LHFPL3: variants seen among roughly 807,000 people sequenced by gnomAD.
The protein encoded by LHFPL3 is LHFPL tetraspan subfamily member 3, also known as LHFPL tetraspan subfamily member 3 protein.
A neutral mutation model predicts 19.3 loss-of-function variants in LHFPL3; 5 were observed. That is an observed-to-expected ratio of 0.26 (90% CI 0.14 to 0.54). The LOEUF (loss-of-function observed/expected upper bound fraction) is 0.54, where lower values mean the gene tolerates loss of function less well. Ranked by LOEUF, LHFPL3 falls within the 20% of genes least tolerant of loss-of-function variation. The pLI is 0.94. For missense variants in LHFPL3, 249 were observed against 307.4 expected, an observed-to-expected ratio of 0.81 and a Z score of 1.42; for synonymous variants, 133 against 126.2, an observed-to-expected ratio of 1.05 and a Z score of -0.36.
At chr7:104,356,583 TG>T in intron 1 of LHFPL3, among the ~76,000 whole-genome samples, 2 of 151,808 alleles carry the variant, frequency 1.3e-5, no homozygotes, top group Non-Finnish European at 2.9e-5. Flanking sequence ...ACAGAACAAA[TG>T]AAAAAAAGAA....
intron 2 of LHFPL3, among the ~76,000 whole-genome samples, chr7:104,903,604 TA>T (rs754995246): frequency 2.0e-4 from 30 of 151,916 alleles, no homozygotes; most frequent in Non-Finnish European, 3.4e-4. Flanking sequence ...AGCTTGAGAC[TA>T]CAGGTGCCTG....
intron 1 of LHFPL3, among the ~76,000 whole-genome samples, chr7:104,651,809 G>T (rs531651388): frequency 3.3e-5 from 5 of 152,304 alleles, no homozygotes; most frequent in Middle Eastern, 6.8e-3. Context: ...TTAGCAGTGA[G>T]ACCTTGAGAA....
intron 1 of LHFPL3, among the ~76,000 whole-genome samples, chr7:104,395,460 T>C (rs1034940581): frequency 5.3e-5 from 8 of 152,204 alleles, no homozygotes; most frequent in Admixed American, 6.5e-5. Context: ...GGCAATAATT[T>C]ATTTTCTGAA....
At chr7:104,842,966 C>T (rs1791241199) in intron 2 of LHFPL3, among the ~76,000 whole-genome samples, 1 of 152,222 alleles carries the variant, frequency 6.6e-6, no homozygotes, top group South Asian at 2.1e-4. Flanking sequence ...TCTCTCTGTG[C>T]TCCAGAGCAT....
chr7:104,476,593 T>C (rs1028639153), intron 1 of LHFPL3, among the ~76,000 whole-genome samples: 1 of 152,168 alleles, frequency 6.6e-6, no homozygotes, highest in Non-Finnish European at 1.5e-5. Context: ...CCTGAGTAGC[T>C]GGGATTACAG....
intron 1 of LHFPL3, among the ~76,000 whole-genome samples, chr7:104,389,958 T>C (rs1791032331): frequency 2.0e-5 from 3 of 152,066 alleles, no homozygotes; most frequent in African/African-American, 7.2e-5. Flanking sequence ...TGGGTAATGC[T>C]TTCTTTAATA....
intron 1 of LHFPL3, among the ~76,000 whole-genome samples, chr7:104,554,068 C>T (rs1164681766): frequency 4.6e-5 from 7 of 152,048 alleles, no homozygotes; most frequent in African/African-American, 7.2e-5. Flanking sequence ...AAAGAACTTC[C>T]GATCTTTTGT....
chr7:104,404,018 T>A (rs1791368676), intron 1 of LHFPL3, among the ~76,000 whole-genome samples: 1 of 152,214 alleles, frequency 6.6e-6, no homozygotes, highest in East Asian at 1.9e-4. Context: ...TTACGTACTG[T>A]CTGTGGCTGC....
chr7:104,370,102 G>T (rs1291276424), intron 1 of LHFPL3, among the ~76,000 whole-genome samples: 3 of 152,202 alleles, frequency 2.0e-5, no homozygotes, highest in African/African-American at 7.2e-5. Flanking sequence ...AGTGTAGGAA[G>T]CAGATAAAAC....
chr7:104,738,158 C>G (rs1395036031), intron 2 of LHFPL3, among the ~76,000 whole-genome samples: 1 of 152,114 alleles, frequency 6.6e-6, no homozygotes, highest in Non-Finnish European at 1.5e-5. Context: ...AAAAATAACC[C>G]TTACACAGGG....
chr7:104,814,175 C>G (rs376202005), intron 2 of LHFPL3, among the ~76,000 whole-genome samples: 1 of 152,134 alleles, frequency 6.6e-6, no homozygotes, highest in African/African-American at 2.4e-5. Context: ...TAGCTCCTCT[C>G]TGCTAGGCAA....
chr7:104,540,247 A>G lies in LHFPL3; in HGVS notation c.446-196428A>G, dbSNP rs570123818. Among the ~76,000 whole-genome samples, 3 of 152,336 alleles carry G rather than the reference A, an allele frequency of 2.0e-5. No individual in the cohort carries two copies. The South Asian group carries it at 6.2e-4, about 32-fold the overall frequency. ...AAATCCATGGAGGAAAGTAATAAAA[A>G]AAAAACTATAATGTTGAGCATGAGA... On this transcript the variant is annotated intron_variant, in intron 1 of 2. Coordinates refer to ENST00000424859, the MANE Select transcript of LHFPL3 (RefSeq NM_199000.3).
intron 1 of LHFPL3, among the ~76,000 whole-genome samples, chr7:104,533,016 C>T (rs1794331531): frequency 6.6e-6 from 1 of 152,132 alleles, no homozygotes. Flanking sequence ...GAACTATAGT[C>T]GTCATACTTC....
chr7:104,482,884 C>T (rs1438133423), intron 1 of LHFPL3, among the ~76,000 whole-genome samples: 1 of 152,194 alleles, frequency 6.6e-6, no homozygotes, highest in Non-Finnish European at 1.5e-5. Flanking sequence ...AGCATAATTC[C>T]TCACAAGGCC....
At chr7:104,735,512 G>A (rs777400514) in intron 1 of LHFPL3, among the ~76,000 whole-genome samples, 38 of 152,226 alleles carry the variant, frequency 2.5e-4, no homozygotes, top group Non-Finnish European at 5.0e-4. Context: ...AGGACCCTCC[G>A]AGCCAGTTGC....
chr7:104,840,220 T>C (rs1047672908), intron 2 of LHFPL3, among the ~76,000 whole-genome samples: 7 of 151,700 alleles, frequency 4.6e-5, no homozygotes, highest in Non-Finnish European at 8.8e-5. Context: ...CAATACTATC[T>C]TGTATTCCTT....
chr7:104,385,009 C>G (rs1032493487), intron 1 of LHFPL3, among the ~76,000 whole-genome samples: 2 of 151,980 alleles, frequency 1.3e-5, no homozygotes. Flanking sequence ...ATTCCCCAAT[C>G]CGAAGAAATT....
intron 2 of LHFPL3, among the ~76,000 whole-genome samples, chr7:104,794,162 C>T (rs953044601): frequency 6.6e-6 from 1 of 152,200 alleles, no homozygotes; most frequent in Non-Finnish European, 1.5e-5. Context: ...TCTGCATTCT[C>T]TTAACAAATC....
intron 2 of LHFPL3, among the ~76,000 whole-genome samples, chr7:104,761,064 T>C (rs1439753689): frequency 1.3e-5 from 2 of 152,152 alleles, no homozygotes; most frequent in African/African-American, 4.8e-5. Flanking sequence ...AAAGTCATCT[T>C]CATTAGAAGC....
Sources: gnomAD v4.1 joint callset for allele counts (sites outside exome capture counted in the v4.1 genomes callset) on GRCh38, gnomAD v4.1.1 for gene constraint, MANE v1.5 for transcripts, NCBI Gene and HGNC (gene_info 2026-07-23, HGNC 2026-07-21) for gene names.